Variants in DNM3 observed in about 807,000 individuals in gnomAD.
DNM3 encodes dynamin 3.
Under a neutral mutation model 101.6 loss-of-function variants are expected in DNM3, and 47 were observed. The observed-to-expected ratio is 0.46, with a 90% confidence interval of 0.37 to 0.59. DNM3 has a LOEUF of 0.59. Ranked by LOEUF, DNM3 falls within the 20% of genes least tolerant of loss-of-function variation. DNM3 has a pLI of 0.00. For missense variants in DNM3, 849 were observed against 1,085.7 expected, an observed-to-expected ratio of 0.78 and a Z score of 3.06; for synonymous variants, 385 against 387.9, an observed-to-expected ratio of 0.99 and a Z score of 0.09.
chr1:172,258,118 T>G (rs115074623), intron 15 of DNM3, among the ~76,000 whole-genome samples: 5,158 of 152,276 alleles, frequency 0.034, 134 homozygotes, highest in Middle Eastern at 0.095. Context: ...CATGATTTTA[T>G]TCTTTTTTTA....
chr1:172,012,137 T>C (rs1431603660), intron 4 of DNM3, among the ~76,000 whole-genome samples: 2 of 152,038 alleles, frequency 1.3e-5, no homozygotes, highest in African/African-American at 4.8e-5. Context: ...GACTCAAACA[T>C]GTAATGGTGC....
chr1:171,984,123 C>A (rs867666739), intron 2 of DNM3, among the ~76,000 whole-genome samples: 1 of 152,170 alleles, frequency 6.6e-6, no homozygotes, highest in Non-Finnish European at 1.5e-5. Flanking sequence ...TTTAACCACT[C>A]ATCACCACCC....
chr1:172,100,564 A>G (rs1249289043), intron 13 of DNM3, among the ~76,000 whole-genome samples: 1 of 152,196 alleles, frequency 6.6e-6, no homozygotes, highest in African/African-American at 2.4e-5. Context: ...CCGCTCAGCT[A>G]ATTCCACCTT....
intron 1 of DNM3, among the ~76,000 whole-genome samples, chr1:171,898,982 T>C (rs2038063282): frequency 6.6e-6 from 1 of 152,206 alleles, no homozygotes; most frequent in Non-Finnish European, 1.5e-5. Flanking sequence ...TAACGTGAGT[T>C]TGTAGGGCCG....
intron 13 of DNM3, among the ~76,000 whole-genome samples, chr1:172,109,300 A>G (rs2055286358): frequency 6.6e-6 from 1 of 152,216 alleles, no homozygotes. Flanking sequence ...TGCTGTAAAA[A>G]GTGGAGGAGG....
At chr1:172,102,176 A>T (rs2054694845) in intron 13 of DNM3, among the ~76,000 whole-genome samples, 2 of 152,084 alleles carry the variant, frequency 1.3e-5, no homozygotes, top group South Asian at 4.1e-4. Context: ...TTTTTCTTAA[A>T]ATAAAGCCAT....
At chr1:172,236,866 G>A (rs2061563866) in intron 14 of DNM3, among the ~76,000 whole-genome samples, 1 of 152,032 alleles carries the variant, frequency 6.6e-6, no homozygotes, top group Admixed American at 6.6e-5. Context: ...AGCTTCTTGA[G>A]GATATCTGGA....
intron 14 of DNM3, chr1:172,136,679 T>G (rs1490929857): frequency 6.6e-6 from 1 of 152,058 alleles, no homozygotes; most frequent in Non-Finnish European, 1.5e-5. Context: ...ATTTATAATT[T>G]TGAAAAAAAG....
chr1:172,319,336 T>C (rs891868043), intron 16 of DNM3, among the ~76,000 whole-genome samples: 1 of 152,080 alleles, frequency 6.6e-6, no homozygotes, highest in Non-Finnish European at 1.5e-5. Flanking sequence ...GGGCAAGGAC[T>C]TCATGTCTAA....
At chr1:172,116,793 T>C (rs1373945871) in intron 13 of DNM3, among the ~76,000 whole-genome samples, 3 of 152,194 alleles carry the variant, frequency 2.0e-5, no homozygotes, top group Non-Finnish European at 2.9e-5. Flanking sequence ...CCGTATGGTA[T>C]TGCAGGAATT....
Position 172,409,227 on chromosome 1 carries a change from T to C in DNM3, c.*1386T>C. The C allele has an allele frequency of 1.0e-6, 1 of 985,370 alleles. No homozygotes were observed. Among genetic ancestry groups the C allele is most frequent in the Non-Finnish European group, 1.2e-6 (1 of 829,896 alleles). 61.0% of individuals were successfully genotyped at this position (985,370 alleles called of 1,614,324 possible). ...GTATTCACTGAGTAGGGGTGTCCCATGACACTATTTCATATTCTACAGAAG... is the reference window on the plus strand; with the variant it reads ...GTATTCACTGAGTAGGGGTGTCCCACGACACTATTTCATATTCTACAGAAG... On this transcript the variant is annotated 3_prime_UTR_variant, in exon 21 of 21. Transcript: ENST00000627582.
chr1:171,959,575 A>G (rs1205374364), intron 2 of DNM3, among the ~76,000 whole-genome samples: 1 of 152,184 alleles, frequency 6.6e-6, no homozygotes, highest in Non-Finnish European at 1.5e-5. Flanking sequence ...AAACCAAAAA[A>G]TGGATAAAAT....
chr1:171,940,491 A>G lies in DNM3; in HGVS notation c.235+18670A>G, dbSNP rs539482021. The stretch of plus-strand genomic sequence containing the variant: ...CTGAGTTTTTCTTTTTAACCTCTGC[A>G]TAATTAAAACACTGGATGGGATTGT... On this transcript the variant is annotated intron_variant, in intron 2 of 20. Transcript: ENST00000627582. 2.0e-5 allele frequency among the ~76,000 whole-genome samples: 3 copies of G among 152,302 alleles called. No homozygotes were observed. The East Asian group carries it at 5.8e-4, about 29-fold the overall frequency.
intron 17 of DNM3, among the ~76,000 whole-genome samples, chr1:172,348,932 T>C (rs1018296621): frequency 6.6e-6 from 1 of 152,208 alleles, no homozygotes; most frequent in African/African-American, 2.4e-5. Flanking sequence ...GTGCAGCCAG[T>C]CCCACCTGAC....
chr1:172,163,918 T>C (rs1420518462), intron 14 of DNM3, among the ~76,000 whole-genome samples: 3 of 151,604 alleles, frequency 2.0e-5, no homozygotes, highest in Non-Finnish European at 4.4e-5. Context: ...TATATATGTA[T>C]ATATGCATGT....
At position 172,225,283 on chromosome 1, in the gene DNM3, C is replaced by T. The variant is rs1293465943; in HGVS notation, c.1660-28290C>T. ...CCTCCCGAGTAGCTGGGATTACAGG[C>T]GCACCACCACGCCCAGCTAATTTTT... On this transcript the variant is annotated intron_variant, in intron 14 of 20. Transcript: ENST00000627582. 2.6e-5 allele frequency among the ~76,000 whole-genome samples: 4 copies of T among 151,446 alleles called. No homozygotes were observed. The East Asian group carries it at 5.8e-4, about 22-fold the overall frequency.
chr1:172,253,736 TG>T (rs990746104), intron 15 of DNM3, 54 bp downstream of exon 15: 24 of 1,225,432 alleles, frequency 2.0e-5, no homozygotes, highest in Non-Finnish European at 2.7e-5. Flanking sequence ...AAGTTCTACA[TG>T]ATTCAGAGAT....
intron 1 of DNM3, among the ~76,000 whole-genome samples, chr1:171,876,512 C>T (rs61805776): frequency 6.6e-6 from 1 of 152,156 alleles, no homozygotes; most frequent in Non-Finnish European, 1.5e-5. Context: ...CTGACTCATG[C>T]AGCCCCCTGG....
chr1:171,874,589 T>G (rs2035585092), intron 1 of DNM3, among the ~76,000 whole-genome samples: 1 of 152,192 alleles, frequency 6.6e-6, no homozygotes, highest in South Asian at 2.1e-4. Context: ...ACATGGCAAA[T>G]GCACATGTAT....
Sources: gnomAD v4.1 joint callset for allele counts (sites outside exome capture counted in the v4.1 genomes callset) on GRCh38, gnomAD v4.1.1 for gene constraint, MANE v1.5 for transcripts, NCBI Gene and HGNC (gene_info 2026-07-23, HGNC 2026-07-21) for gene names.